LIX1: variants seen among roughly 807,000 people sequenced by gnomAD.
LIX1 encodes limb and CNS expressed 1.
LIX1 carries 24 observed loss-of-function variants against 33.4 expected under a neutral mutation model. The observed-to-expected ratio is 0.72, with a 90% CI of 0.52 to 1.01. LIX1 has a LOEUF of 1.01. Ranked by LOEUF, LIX1 falls within the 50% of genes least tolerant of loss-of-function variation. The pLI is 0.00. For missense variants in LIX1, 311 were observed against 339.2 expected (o/e 0.92, Z 0.65); for synonymous variants, 124 against 124.0 (o/e 1.00, Z 0.00).
chr5:97,130,731 A>G (rs1333864937), intron 1 of LIX1, among the ~76,000 whole-genome samples: 1 of 152,208 alleles, frequency 6.6e-6, no homozygotes, highest in African/African-American at 2.4e-5. Context: ...AGGAATATTA[A>G]TAATAGCATG....
intron 1 of LIX1, among the ~76,000 whole-genome samples, chr5:97,130,936 T>G (rs1748042974): frequency 6.6e-6 from 1 of 152,230 alleles, no homozygotes. Flanking sequence ...AAATGTGCCA[T>G]GTAGTTTATA....
intron 4 of LIX1, among the ~76,000 whole-genome samples, chr5:97,104,684 C>T (rs970135483): frequency 2.0e-5 from 3 of 152,016 alleles, no homozygotes; most frequent in East Asian, 1.9e-4. Flanking sequence ...TATCATTTGT[C>T]GGCAGTGGAT....
intron 2 of LIX1, among the ~76,000 whole-genome samples, chr5:97,116,892 C>T (rs1186560742): frequency 6.6e-6 from 1 of 152,076 alleles, no homozygotes; most frequent in East Asian, 1.9e-4. Context: ...GAACTAGGGG[C>T]TGGGAGACTC....
At chr5:97,115,495 T>C (rs1395593404) in intron 2 of LIX1, among the ~76,000 whole-genome samples, 1 of 152,158 alleles carries the variant, frequency 6.6e-6, no homozygotes, top group Admixed American at 6.5e-5. Context: ...TGAGTAGTTG[T>C]TTCTACATCC....
intron 4 of LIX1, among the ~76,000 whole-genome samples, chr5:97,100,402 A>G (rs1326905302): frequency 6.6e-6 from 1 of 152,104 alleles, no homozygotes; most frequent in Non-Finnish European, 1.5e-5. Flanking sequence ...TGTTCTTAAC[A>G]TTCCCTAGGG....
intron 1 of LIX1, among the ~76,000 whole-genome samples, chr5:97,141,439 C>T (rs1748284123): frequency 6.6e-6 from 1 of 152,144 alleles, no homozygotes; most frequent in African/African-American, 2.4e-5. Context: ...CCTTAAAGGA[C>T]AGATTGGTTA....
rs1025119372 is a variant in LIX1 at position 97,103,802 on chromosome 5, A to G, written c.483+1388T>C. On this transcript the variant is annotated intron_variant, in intron 4 of 5. Transcript: ENST00000274382. The stretch of plus-strand genomic sequence containing the variant: ...AACACGGTGAAATCCCGTCTCTACT[A>G]AAAATACAAAAAATTAGCCGGGCAT... 3.3e-5 allele frequency among the ~76,000 whole-genome samples: 5 copies of G among 152,012 alleles called. 1 individual carries two copies. Among genetic ancestry groups the G allele is most frequent in the Admixed American group, 2.6e-4 (4 of 15,260 alleles).
At chr5:97,119,384 A>G (rs955296965) in intron 2 of LIX1, among the ~76,000 whole-genome samples, 5 of 152,350 alleles carry the variant, frequency 3.3e-5, no homozygotes, top group African/African-American at 9.6e-5. Flanking sequence ...GAAATGTTAT[A>G]TGGTGAAAAT....
chr5:97,122,330 A>G (rs944396799), intron 2 of LIX1, among the ~76,000 whole-genome samples: 17 of 152,074 alleles, frequency 1.1e-4, no homozygotes, highest in East Asian at 3.9e-4. Context: ...TTTCTCCTAT[A>G]TATATTTAGA....
chr5:97,123,325 T>G (rs1438662022), intron 2 of LIX1, among the ~76,000 whole-genome samples: 1 of 152,202 alleles, frequency 6.6e-6, no homozygotes, highest in Admixed American at 6.5e-5. Flanking sequence ...TTCCAGGTAC[T>G]TCATACTTTC....
chr5:97,092,741 G>A lies in LIX1; in HGVS notation c.*2007C>T, dbSNP rs1746138782. The A allele has an allele frequency of 6.6e-6, 1 of 152,330 alleles. No homozygotes were observed. Among genetic ancestry groups the A allele is most frequent in the Non-Finnish European group, 1.5e-5 (1 of 68,034 alleles). 9.4% of individuals were successfully genotyped at this position (152,330 alleles called of 1,614,324 possible). ...TGTCCCTGCATCTAATTAAGATGGT[G>A]TCAGTTTGAGGAAGTCATTGTCAAA... is the stretch of plus-strand genomic sequence containing the variant. On this transcript the variant is annotated 3_prime_UTR_variant, in exon 6 of 6. Transcript: ENST00000274382.
chr5:97,102,907 C>A, intron 4 of LIX1: 1 of 351,776 alleles, frequency 2.8e-6, no homozygotes, highest in Non-Finnish European at 5.5e-6. Flanking sequence ...GGAGGGGGAA[C>A]AGGAATTAAA....
intron 2 of LIX1, among the ~76,000 whole-genome samples, chr5:97,110,855 G>T (rs760451182): frequency 3.9e-5 from 6 of 152,116 alleles, no homozygotes; most frequent in South Asian, 2.1e-4. Flanking sequence ...ACACAAGAAG[G>T]CTTTGGGGGA....
chr5:97,131,771 A>G (rs1748061843), intron 1 of LIX1, among the ~76,000 whole-genome samples: 1 of 152,240 alleles, frequency 6.6e-6, no homozygotes, highest in South Asian at 2.1e-4. Context: ...GAACATGTAG[A>G]AAGTAAGTGA....
At chr5:97,096,489 C>CA (rs1443039198) in intron 5 of LIX1, among the ~76,000 whole-genome samples, 1 of 152,198 alleles carries the variant, frequency 6.6e-6, no homozygotes, top group East Asian at 1.9e-4. Context: ...AGAGGGCACA[C>CA]ATTCCAAGGA....
intron 2 of LIX1, among the ~76,000 whole-genome samples, chr5:97,119,886 T>A (rs567942082): frequency 6.6e-6 from 1 of 152,258 alleles, no homozygotes; most frequent in South Asian, 2.1e-4. Flanking sequence ...AACACTAGAA[T>A]TTCTTACACT....
chr5:97,139,934 C>T (rs751436417), intron 1 of LIX1, among the ~76,000 whole-genome samples: 20 of 152,178 alleles, frequency 1.3e-4, no homozygotes, highest in Non-Finnish European at 2.1e-4. Flanking sequence ...GAAGAGCTTC[C>T]TCATCTGAGA....
intron 3 of LIX1, 118 bp from the exon 4 acceptor site, chr5:97,105,403 G>C: frequency 1.4e-6 from 1 of 708,530 alleles, no homozygotes. Context: ...CTGAACAGAT[G>C]TTCACAACCA....
At chr5:97,102,088 G>A (rs1746736254) in intron 4 of LIX1, 1 of 152,132 alleles carries the variant, frequency 6.6e-6, no homozygotes, top group Non-Finnish European at 1.5e-5. Context: ...CTGTGGCAAA[G>A]CTACCTCGAA....
Sources: gnomAD v4.1 joint callset for allele counts (sites outside exome capture counted in the v4.1 genomes callset) on GRCh38, gnomAD v4.1.1 for gene constraint, MANE v1.5 for transcripts, NCBI Gene and HGNC (gene_info 2026-07-23, HGNC 2026-07-21) for gene names.